HGD: variants seen among roughly 807,000 people sequenced by gnomAD.
HGD encodes homogentisate 1,2-dioxygenase, also known as homogentisate oxidase.
In HGD, 61 loss-of-function variants were observed where a neutral mutation model predicts 60.8. The ratio of observed to expected loss-of-function variants is 1.00; its 90% CI spans 0.82 to 1.24. The LOEUF (loss-of-function observed/expected upper bound fraction) is 1.24. HGD is among the 50% of genes most tolerant of loss of function. HGD has a pLI of 0.00. For synonymous variants in HGD, 212 were observed against 187.7 expected (o/e 1.13, Z -1.06); for missense variants, 542 against 547.1 (o/e 0.99, Z 0.09).
chr3:120,655,933 T>C (rs1230997176), intron 4 of HGD, among the ~76,000 whole-genome samples: 1 of 152,274 alleles, frequency 6.6e-6, no homozygotes, highest in East Asian at 1.9e-4. Context: ...TAAAGGATGC[T>C]TGCTGACTGA....
rs1553717460 is a variant in HGD, at chr3:120,644,481, C to CA, written c.650-39dup. 5.2e-4 allele frequency: 845 copies of CA among 1,613,526 alleles called. 17 individuals are homozygous for CA. The East Asian group carries it at 0.019, about 36-fold the overall frequency. On this transcript the variant is annotated intron_variant, in intron 9 of 13. Coordinates refer to ENST00000283871, the MANE Select transcript of HGD (RefSeq NM_000187.4). ...AACCCAAAAGTCTTTTAGAAACTTC[C>CA]AAAACATAGGAAAGATGCCCATGGT...
At chr3:120,643,084 C>T (rs1941039552) in intron 10 of HGD, among the ~76,000 whole-genome samples, 2 of 152,142 alleles carry the variant, frequency 1.3e-5, no homozygotes, top group Admixed American at 1.3e-4. Context: ...TGTCCCATCT[C>T]CAAAGCTTAT....
intron 9 of HGD, among the ~76,000 whole-genome samples, chr3:120,645,954 T>C (rs1941144593): frequency 6.6e-6 from 1 of 152,200 alleles, no homozygotes; most frequent in East Asian, 1.9e-4. Flanking sequence ...CTGTTTCTGG[T>C]GACCCAAGCC....
chr3:120,674,760 T>C, intron 3 of HGD, 141 bp downstream of exon 3: 1 of 689,230 alleles, frequency 1.5e-6, no homozygotes, highest in Non-Finnish European at 2.7e-6. Flanking sequence ...CATTCTCTTC[T>C]GACCATGACC....
At chr3:120,652,432 AGACATCCCTCCGCCAGCCC>A (rs1168225609) in intron 5 of HGD, among the ~76,000 whole-genome samples, 141 bp downstream of exon 5, 3 of 152,064 alleles carry the variant, frequency 2.0e-5, no homozygotes, top group Middle Eastern at 6.3e-3. Context: ...TCTGTAAGTA[AGACATCCCTCCGCCAGCCC>A]CCAAAGCATA....
At chr3:120,671,502 G>C (rs1021107152) in intron 3 of HGD, among the ~76,000 whole-genome samples, 1 of 152,122 alleles carries the variant, frequency 6.6e-6, no homozygotes, top group Admixed American at 6.6e-5. Context: ...ATTCTGGAAA[G>C]GCTGTGGAGA....
rs768585616 is a variant in HGD, at chr3:120,650,812, A to T, written c.396T>A (p.Ala132=). The change falls in exon 6 of 14, where the codon GCT becomes GCA. Residue 132 remains alanine, a synonymous_variant. Transcript: ENST00000283871. ...AGDIKSNNGL[A]IHIFLCNTSM... is the part of the protein sequence containing the mutation. ...AGGTATTGCAGAGGAAAATGTGGAT[A>T]GCAAGCCCATTGTTAGACTTTATGT... is the stretch of plus-strand genomic sequence containing the variant. The T allele has an allele frequency of 6.2e-6, 10 of 1,614,038 alleles. No homozygotes were observed. In the East Asian group the frequency reaches 2.2e-4, roughly 36 times the overall value.
Position 120,628,361 on chromosome 3 carries a change from T to C in HGD, c.*19A>G. On this transcript the variant is annotated 3_prime_UTR_variant, in exon 14 of 14. Coordinates refer to ENST00000283871, the MANE Select transcript of HGD (RefSeq NM_000187.4). ...ATCTTCACAAATCTACTCTTAATTA[T>C]GGTAGCAATGTTCCAGTCTCAATTA... 4 of 1,612,726 alleles carry C rather than the reference T, an allele frequency of 2.5e-6. No individual in the cohort carries two copies. Among genetic ancestry groups the C allele is most frequent in the Non-Finnish European group, 3.4e-6 (4 of 1,178,914 alleles).
intron 6 of HGD, among the ~76,000 whole-genome samples, chr3:120,649,012 GTCC>G (rs971767056): frequency 2.0e-4 from 30 of 151,934 alleles, no homozygotes; most frequent in African/African-American, 7.3e-4. Flanking sequence ...GAACTGTTAA[GTCC>G]TCCTGAGCCC....
intron 4 of HGD, among the ~76,000 whole-genome samples, chr3:120,662,836 C>A (rs890513257): frequency 6.6e-6 from 1 of 152,122 alleles, no homozygotes; most frequent in African/African-American, 2.4e-5. Flanking sequence ...GAACTCCTAA[C>A]CCCCTGTATT....
intron 1 of HGD, among the ~76,000 whole-genome samples, chr3:120,680,068 A>T (rs566576790): frequency 6.6e-6 from 1 of 152,352 alleles, no homozygotes; most frequent in East Asian, 1.9e-4. Flanking sequence ...TGGGGCCCAG[A>T]GCCTGAATAT....
intron 8 of HGD, 65 bp downstream of exon 8, chr3:120,646,908 G>T: frequency 1.6e-6 from 2 of 1,252,466 alleles, no homozygotes; most frequent in Non-Finnish European, 2.4e-6. Flanking sequence ...AATAGCAGCA[G>T]CTGAAACATC....
intron 4 of HGD, among the ~76,000 whole-genome samples, chr3:120,664,594 A>AT (rs1381730250): frequency 1.3e-5 from 2 of 150,914 alleles, no homozygotes; most frequent in African/African-American, 2.4e-5. Context: ...TGCTCAGCTA[A>AT]TTTTTTTTCA....
chr3:120,649,213 G>A (rs1941259198), intron 6 of HGD, among the ~76,000 whole-genome samples: 1 of 142,540 alleles, frequency 7.0e-6, no homozygotes, highest in South Asian at 2.2e-4. Flanking sequence ...CATGATCTCG[G>A]TTCACTGCAA....
At chr3:120,637,963 A>T (rs1940835352) in intron 12 of HGD, among the ~76,000 whole-genome samples, 1 of 152,124 alleles carries the variant, frequency 6.6e-6, no homozygotes, top group African/African-American at 2.4e-5. Flanking sequence ...ATGGAGGCAG[A>T]TCCCTCATAA....
At chr3:120,654,388 C>A (rs1049996540) in intron 4 of HGD, among the ~76,000 whole-genome samples, 1 of 152,124 alleles carries the variant, frequency 6.6e-6, no homozygotes, top group African/African-American at 2.4e-5. Context: ...GCCCAGACAT[C>A]GGTATTTTAT....
In HGD at chr3:120,641,647, G is replaced by A. The variant is rs1397264922; in HGVS notation, c.821C>T (p.Pro274Leu). The change falls in exon 11 of 14, where the codon CCC becomes CTC. Residue 274 changes from proline (P) to leucine (L), a missense_variant. Pro to Leu is a moderately conservative substitution (Grantham distance 98). Transcript: ENST00000283871. ...NVVAWHGNYT[P>L]YKYNLKNFMV... ...GAAATTCTTCAGGTTGTACTTGTAG[G>A]GTGTATAATTCCCGTGCCAGGCCAC... 2 of 1,613,844 alleles carry A rather than the reference G, an allele frequency of 1.2e-6. No homozygotes were observed. The highest frequency in any genetic ancestry group is 1.7e-6 in the Non-Finnish European group (2 of 1,179,858).
intron 12 of HGD, 84 bp from the exon 13 acceptor site, chr3:120,633,412 A>G: frequency 6.2e-7 from 1 of 1,610,558 alleles, no homozygotes; most frequent in Non-Finnish European, 8.5e-7. Flanking sequence ...ATTTCTGCAG[A>G]ATTCCAAGAA....
chr3:120,657,818 T>TGAGAGAGA (rs71133511), intron 4 of HGD, among the ~76,000 whole-genome samples: 1 of 147,100 alleles, frequency 6.8e-6, no homozygotes, highest in East Asian at 2.0e-4. Flanking sequence ...GGAACAGGAG[T>TGAGAGAGA]GAGAGAGAGA....
Sources: allele counts gnomAD v4.1 joint callset (sites outside exome capture counted in the v4.1 genomes callset), GRCh38; gene constraint gnomAD v4.1.1; transcripts MANE v1.5; gene names NCBI Gene and HGNC (gene_info 2026-07-23, HGNC 2026-07-21).